CNTN6: variants seen among roughly 807,000 people sequenced by gnomAD.
CNTN6 encodes contactin-6.
Under a neutral mutation model 122.8 loss-of-function variants are expected in CNTN6, and 137 were observed. The ratio of observed to expected loss-of-function variants is 1.12; its 90% CI spans 0.97 to 1.29. The LOEUF (loss-of-function observed/expected upper bound fraction) is 1.29, where lower values mean the gene tolerates loss of function less well. CNTN6 is among the 50% of genes most tolerant of loss of function. CNTN6 has a pLI of 0.00. For missense variants in CNTN6, 1,634 were observed against 1,223.4 expected, an observed-to-expected ratio of 1.34 and a Z score of -5.01; for synonymous variants, 570 against 426.0, an observed-to-expected ratio of 1.34 and a Z score of -4.16.
intron 4 of CNTN6, among the ~76,000 whole-genome samples, chr3:1,268,336 G>A (rs1482873957): frequency 3.9e-5 from 6 of 152,100 alleles, no homozygotes; most frequent in African/African-American, 9.7e-5. Flanking sequence ...GGCTGGGCGC[G>A]GTGGCTCACG....
At chr3:1,351,413 TG>T (rs1453070113) in intron 11 of CNTN6, among the ~76,000 whole-genome samples, 2 of 152,000 alleles carry the variant, frequency 1.3e-5, no homozygotes, top group Non-Finnish European at 2.9e-5. Context: ...TACCTACTAA[TG>T]TTTTTAAAAG....
intron 1 of CNTN6, among the ~76,000 whole-genome samples, chr3:1,106,106 G>T (rs1217863803): frequency 6.6e-6 from 1 of 151,938 alleles, no homozygotes; most frequent in African/African-American, 2.4e-5. Context: ...TCAGGAATTT[G>T]GTATGTTAGG....
chr3:1,201,634 A>G (rs2093874032), intron 2 of CNTN6, among the ~76,000 whole-genome samples: 1 of 152,214 alleles, frequency 6.6e-6, no homozygotes, highest in South Asian at 2.1e-4. Context: ...CACTTCTAGA[A>G]AAGTTTGCTA....
In CNTN6 at chr3:1,377,034, G is replaced by A; in HGVS notation, c.2125G>A (p.Gly709Arg). ...VPVVAPVNIHGGGGSRSELVI... is the reference protein window; with the variant it reads ...VPVVAPVNIHRGGGSRSELVI... ...TGTTGTGGCACCAGTAAACATCCAT[G>A]GAGGTGGAGGAAGTCGGTCTGAACT... Residue 709 changes from glycine to arginine, a missense_variant, in exon 17 of 23, where the codon GGA becomes AGA. Physicochemically the swap from Gly to Arg is moderately radical, Grantham distance 125. Transcript: ENST00000446702. 1.2e-6 allele frequency: 2 copies of A among 1,606,700 alleles called. No individual in the cohort carries two copies. Among genetic ancestry groups the A allele is most frequent in the South Asian group, 2.2e-5 (2 of 89,714 alleles).
At chr3:1,283,845 CA>C (rs1308262178) in intron 5 of CNTN6, among the ~76,000 whole-genome samples, 2 of 152,010 alleles carry the variant, frequency 1.3e-5, no homozygotes, top group Non-Finnish European at 2.9e-5. Context: ...CCTAAAAATA[CA>C]AAAATTAGCC....
intron 2 of CNTN6, among the ~76,000 whole-genome samples, chr3:1,159,263 A>G (rs1438633096): frequency 2.0e-5 from 3 of 151,936 alleles, no homozygotes; most frequent in African/African-American, 4.8e-5. Context: ...TATACGCATT[A>G]TGTTTCTTCA....
intron 5 of CNTN6, among the ~76,000 whole-genome samples, chr3:1,287,811 A>G (rs1287151294): frequency 6.6e-6 from 1 of 152,178 alleles, no homozygotes; most frequent in Non-Finnish European, 1.5e-5. Context: ...AAGCTACCCA[A>G]TATGGTCTAA....
At chr3:1,228,944 G>T (rs1255198485) in intron 4 of CNTN6, among the ~76,000 whole-genome samples, 1 of 107,562 alleles carries the variant, frequency 9.3e-6, no homozygotes, top group Non-Finnish European at 2.1e-5. Context: ...CTACACCAGA[G>T]ATCCCTTGAT....
intron 4 of CNTN6, among the ~76,000 whole-genome samples, chr3:1,241,287 G>A (rs377178087): frequency 4.9e-5 from 7 of 143,582 alleles, no homozygotes; most frequent in African/African-American, 1.8e-4. Context: ...TAGTGTTGAA[G>A]TGTTGGGGTG....
chr3:1,243,171 C>T (rs1232157866), intron 4 of CNTN6, among the ~76,000 whole-genome samples: 2 of 152,100 alleles, frequency 1.3e-5, no homozygotes, highest in Admixed American at 6.6e-5. Context: ...GTTGAACAGT[C>T]CGATTTTCAG....
intron 7 of CNTN6, among the ~76,000 whole-genome samples, chr3:1,315,021 G>A (rs187041577): frequency 6.6e-6 from 1 of 152,062 alleles, no homozygotes. Flanking sequence ...AGAGAGAGGG[G>A]AGAAGTGTAA....
At chr3:1,278,617 G>A in intron 5 of CNTN6, 109 bp downstream of exon 5, 1 of 653,770 alleles carries the variant, frequency 1.5e-6, no homozygotes. Flanking sequence ...CAAAGAAATT[G>A]TGACTCTCGT....
intron 11 of CNTN6, among the ~76,000 whole-genome samples, chr3:1,342,281 C>T (rs1704001799): frequency 6.6e-6 from 1 of 152,068 alleles, no homozygotes; most frequent in Non-Finnish European, 1.5e-5. Context: ...AGGCGAGCGC[C>T]ACCACACCCG....
chr3:1,383,154 C>A lies in CNTN6; in HGVS notation c.2379C>A (p.Thr793=), dbSNP rs1386909588. The change falls in exon 18 of 23, where the codon ACC becomes ACA. Residue 793 remains threonine (T), a synonymous_variant. Coordinates refer to ENST00000446702, the MANE Select transcript of CNTN6 (RefSeq NM_001289080.2). ...GAGAAGGATCCCTGAGTACTGTGAC[C>A]ATTGTCTACTCTGGGGAAGATGGTA... ...NEGEGSLSTV[T]IVYSGEDEPQ... is the part of the protein sequence containing the mutation. 2 of 1,613,306 alleles carry A rather than the reference C, an allele frequency of 1.2e-6. No individual in the cohort carries two copies. Among genetic ancestry groups the A allele is most frequent in the African/African-American group, 2.7e-5 (2 of 74,882 alleles).
At chr3:1,260,083 C>T (rs923071883) in intron 4 of CNTN6, among the ~76,000 whole-genome samples, 3 of 152,052 alleles carry the variant, frequency 2.0e-5, no homozygotes, top group Admixed American at 2.0e-4. Context: ...CAGATGAGAT[C>T]CTGTCTATTT....
At chr3:1,141,265 A>G (rs915896987) in intron 1 of CNTN6, among the ~76,000 whole-genome samples, 2 of 152,220 alleles carry the variant, frequency 1.3e-5, no homozygotes, top group Admixed American at 6.5e-5. Flanking sequence ...CAAAAGGGCA[A>G]TTAGTGCTGC....
At chr3:1,373,074 G>C in intron 14 of CNTN6, 119 bp downstream of exon 14, 1 of 638,984 alleles carries the variant, frequency 1.6e-6, no homozygotes, top group Non-Finnish European at 2.7e-6. Context: ...TAATCAGATA[G>C]AGTTTTATTT....
At chr3:1,358,189 A>T (rs975324121) in intron 12 of CNTN6, among the ~76,000 whole-genome samples, 1 of 151,888 alleles carries the variant, frequency 6.6e-6, no homozygotes. Context: ...AAACACTTCA[A>T]CCGATACGTT....
chr3:1,337,967 A>T (rs956050653), intron 11 of CNTN6, among the ~76,000 whole-genome samples: 11 of 152,042 alleles, frequency 7.2e-5, no homozygotes, highest in African/African-American at 2.4e-4. Context: ...GTGCCTGCAG[A>T]ACCACCCAGA....
Sources: gnomAD v4.1 joint callset for allele counts (sites outside exome capture counted in the v4.1 genomes callset) on GRCh38, gnomAD v4.1.1 for gene constraint, MANE v1.5 for transcripts, NCBI Gene and HGNC (gene_info 2026-07-23, HGNC 2026-07-21) for gene names.